The following RFX1 variants were observed in gnomAD, a reference collection of about 807,000 sequenced individuals.
RFX1 encodes the protein regulatory factor X1.
Under a neutral mutation model 119.6 loss-of-function variants are expected in RFX1, and 42 were observed. The ratio of observed to expected loss-of-function variants is 0.35; its 90% CI spans 0.27 to 0.45. The LOEUF (loss-of-function observed/expected upper bound fraction) is 0.45. RFX1 is among the 20% of genes least tolerant of loss of function. The pLI is 1.00. For missense variants in RFX1, 1,118 were observed against 1,368.1 expected (o/e 0.82, Z 2.88); for synonymous variants, 628 against 618.5 (o/e 1.02, Z -0.23).
At chr19:13,978,328 C>T (rs1032301594) in intron 7 of RFX1, among the ~76,000 whole-genome samples, 1 of 152,148 alleles carries the variant, frequency 6.6e-6, no homozygotes, top group Non-Finnish European at 1.5e-5. Context: ...GCCTGACGGA[C>T]AGTGGAGGGG....
chr19:13,968,471 G>T lies in RFX1; in HGVS notation c.1732+94C>A. 2.0e-6 allele frequency: 2 copies of T among 1,020,442 alleles called. No individual in the cohort carries two copies. Among genetic ancestry groups the T allele is most frequent in the South Asian group, 1.3e-5 (1 of 74,296 alleles). 63.2% of individuals were successfully genotyped at this position (1,020,442 alleles called of 1,614,324 possible). ...GGCATCTCTCACCAAGCCCTCCCCA[G>T]CTCAGAGGCTGCCTGCCGCCATCCA... is the stretch of plus-strand genomic sequence containing the variant. On this transcript the variant is annotated intron_variant, in intron 12 of 20. Coordinates refer to ENST00000254325, the MANE Select transcript of RFX1 (RefSeq NM_002918.5). The surrounding 1 kb of genome is among the most constrained non-coding windows in gnomAD (Gnocchi z 5.5).
rs376758339 is a variant in RFX1 at position 13,968,582 on chromosome 19, T to A, written c.1715A>T (p.Gln572Leu). 1 of 1,613,434 alleles carries A rather than the reference T, an allele frequency of 6.2e-7. No individual in the cohort carries two copies. Among genetic ancestry groups the A allele is most frequent in the African/African-American group, 1.3e-5 (1 of 75,072 alleles). Residue 572 changes from glutamine (Q) to leucine (L), a missense_variant, in exon 12 of 21, where the codon CAG becomes CTG. Physicochemically the swap from Gln to Leu is moderately radical, Grantham distance 113. This residue lies in a region of RFX1 where 338 missense variants were observed against 508.9 expected (regional missense o/e 0.66). Coordinates refer to ENST00000254325, the MANE Select transcript of RFX1 (RefSeq NM_002918.5). The surrounding 1 kb of genome is among the most constrained non-coding windows in gnomAD (Gnocchi z 5.5). ...GCTCTCACCCAAAAATTGCTGGTAC[T>A]GCTGCACCTGGGCGCTGATGTCCGA... ...GLSDISAQVQ[Q>L]YQQFLDASRS...
chr19:13,992,831 G>A (rs548014823), intron 2 of RFX1, among the ~76,000 whole-genome samples: 1 of 152,308 alleles, frequency 6.6e-6, no homozygotes, highest in East Asian at 1.9e-4. Context: ...TGCAAAGAGA[G>A]GTCAGAACAG....
chr19:13,999,043 CTG>C (rs1975127600), intron 1 of RFX1, among the ~76,000 whole-genome samples: 1 of 152,204 alleles, frequency 6.6e-6, no homozygotes, highest in Non-Finnish European at 1.5e-5. Context: ...CTTCTCAGCA[CTG>C]TGATTGTCAA....
chr19:13,970,243 G>C (rs991321553), intron 9 of RFX1, 68 bp from the exon 10 acceptor site: 33 of 1,381,838 alleles, frequency 2.4e-5, no homozygotes, highest in South Asian at 5.5e-5. Flanking sequence ...TGCTGGGGCT[G>C]AGTGCCCCAC....
rs2145553297 is a variant in RFX1 at position 13,970,193 on chromosome 19, T to C, written c.1315-18A>G. 1.3e-6 allele frequency: 2 copies of C among 1,586,178 alleles called. No individual in the cohort carries two copies. The highest frequency in any genetic ancestry group is 1.1e-5 in the South Asian group (1 of 88,498). On this transcript the variant is annotated intron_variant, in intron 9 of 20. Coordinates refer to ENST00000254325, the MANE Select transcript of RFX1 (RefSeq NM_002918.5). ...CACTGGACCTGGGGTGGGAGGGAGA[T>C]GGGAGAGCACCAGTCAGAGGCGCTT...
At position 13,980,732 on chromosome 19, in the gene RFX1, G is replaced by GCATCCTCTCTGGGGTGGGCTCT; in HGVS notation, c.622-44_622-43insAGAGCCCACCCCAGAGAGGATG. ...ACAGGAGTGCCGCTGGGGTGGGCTT[G>GCATCCTCTCTGGGGTGGGCTCT]CATCCTCTCTGAGGTGGGCTCACAC... is the stretch of plus-strand genomic sequence containing the variant. On this transcript the variant is annotated intron_variant, in intron 5 of 20. Coordinates refer to ENST00000254325, the MANE Select transcript of RFX1 (RefSeq NM_002918.5). This position sits in a 1 kb window ranked among gnomAD's most constrained non-coding sequence, Gnocchi z 5.1. 5.4e-6 allele frequency: 7 copies of GCATCCTCTCTGGGGTGGGCTCT among 1,301,932 alleles called. No homozygotes were observed. The highest frequency in any genetic ancestry group is 2.3e-5 in the Admixed American group (1 of 43,614). The allele number at this position is 1,301,932 out of a possible 1,614,324, so 80.6% of individuals were successfully genotyped here. A position where few individuals can be genotyped will look rare whatever the true frequency, so the allele number is the denominator to read the frequency against.
At chr19:13,972,168 C>CAAAA (rs1230847191) in intron 9 of RFX1, among the ~76,000 whole-genome samples, 1 of 51,104 alleles carries the variant, frequency 2.0e-5, no homozygotes, top group Non-Finnish European at 4.4e-5. Flanking sequence ...AACCCTGTCT[C>CAAAA]AAAAAAAAAA....
chr19:13,993,285 ACT>A (rs1167938736), intron 2 of RFX1, among the ~76,000 whole-genome samples: 31 of 151,854 alleles, frequency 2.0e-4, no homozygotes, highest in Admixed American at 1.8e-3. Context: ...ACAGAATGAG[ACT>A]CTGTCTCAAA....
intron 9 of RFX1, among the ~76,000 whole-genome samples, chr19:13,971,416 G>T (rs1436519707): frequency 6.6e-6 from 1 of 151,942 alleles, no homozygotes; most frequent in Non-Finnish European, 1.5e-5. Flanking sequence ...GACCACCAGC[G>T]CTGACCCACC....
Position 13,985,088 on chromosome 19 carries a change from T to C in RFX1, c.320-1493A>G, listed in dbSNP as rs1051477341. Among the ~76,000 whole-genome samples, 1 of 152,116 alleles carries C rather than the reference T, an allele frequency of 6.6e-6. No homozygotes were observed. The highest frequency in any genetic ancestry group is 1.5e-5 in the Non-Finnish European group (1 of 68,024). Reference sequence around the variant, plus strand: ...TATTGCCCAGGCTGGTCTCGAACTCTTGGACTCAAGCAATCCACCTGCTTC... The same window carrying C: ...TATTGCCCAGGCTGGTCTCGAACTCCTGGACTCAAGCAATCCACCTGCTTC... On this transcript the variant is annotated intron_variant, in intron 2 of 20. Coordinates refer to ENST00000254325, the MANE Select transcript of RFX1 (RefSeq NM_002918.5). This position sits in a 1 kb window ranked among gnomAD's most constrained non-coding sequence, Gnocchi z 4.3.
intron 8 of RFX1, among the ~76,000 whole-genome samples, chr19:13,974,669 A>AG (rs1282166686): frequency 1.3e-5 from 2 of 152,210 alleles, no homozygotes; most frequent in African/African-American, 4.8e-5. Flanking sequence ...GGGGACAGGC[A>AG]GGGGGCACCT....
At chr19:13,975,066 G>A (rs1974213428) in intron 8 of RFX1, among the ~76,000 whole-genome samples, 1 of 142,492 alleles carries the variant, frequency 7.0e-6, no homozygotes, top group Admixed American at 7.2e-5. Context: ...AAAAAGGGAG[G>A]GGGGCAGGGG....
intron 1 of RFX1, among the ~76,000 whole-genome samples, chr19:13,994,719 A>G (rs10413044): frequency 0.01 from 1,276 of 125,982 alleles, 30 homozygotes; most frequent in African/African-American, 0.035. Context: ...CTAAATATAT[A>G]TGTGTGTGTG....
intron 9 of RFX1, 90 bp downstream of exon 9, chr19:13,972,653 G>T: frequency 1.0e-6 from 1 of 978,996 alleles, no homozygotes; most frequent in Non-Finnish European, 1.5e-6. Flanking sequence ...CCTGCTAGCG[G>T]TGGTTGGTAA....
intron 9 of RFX1, among the ~76,000 whole-genome samples, chr19:13,971,313 G>C (rs1974070881): frequency 6.6e-6 from 1 of 151,944 alleles, no homozygotes; most frequent in Non-Finnish European, 1.5e-5. Context: ...TCCAGTCTGG[G>C]TGACAAGAGC....
At chr19:13,992,750 C>A (rs1399186940) in intron 2 of RFX1, among the ~76,000 whole-genome samples, 1 of 152,218 alleles carries the variant, frequency 6.6e-6, no homozygotes, top group Non-Finnish European at 1.5e-5. Context: ...CCAGGCCAGG[C>A]CTCTGTCTCC....
At chr19:13,964,179 G>T in intron 16 of RFX1, 172 bp from the exon 17 acceptor site, 1 of 645,766 alleles carries the variant, frequency 1.5e-6, no homozygotes, top group Non-Finnish European at 2.5e-6. Context: ...AACTTTGGGT[G>T]TCCACTCACA....
intron 18 of RFX1, 73 bp downstream of exon 18, chr19:13,963,465 A>T (rs868834145): frequency 6.7e-7 from 1 of 1,481,936 alleles, no homozygotes; most frequent in South Asian, 1.2e-5. Context: ...TCGTCGTAGA[A>T]GAGCACCTGA....
Sources: allele counts gnomAD v4.1 joint callset (sites outside exome capture counted in the v4.1 genomes callset), GRCh38; gene constraint gnomAD v4.1.1; regional missense constraint gnomAD v4.1.1; non-coding constraint Gnocchi (gnomAD v3.1); transcripts MANE v1.5; gene names NCBI Gene and HGNC (gene_info 2026-07-23, HGNC 2026-07-21).